The following GFRAL variants were observed in gnomAD, a reference collection of about 807,000 sequenced individuals.
GFRAL encodes the protein GDNF family receptor alpha-like.
GFRAL carries 36 observed loss-of-function variants against 45.4 expected under a neutral mutation model. The ratio of observed to expected loss-of-function variants is 0.79; its 90% CI spans 0.61 to 1.05. The LOEUF (loss-of-function observed/expected upper bound fraction) is 1.05. Ranked by LOEUF, GFRAL falls within the 50% of genes least tolerant of loss-of-function variation. GFRAL has a pLI of 0.00. For synonymous variants in GFRAL, 166 were observed against 154.1 expected (o/e 1.08, Z -0.57); for missense variants, 507 against 467.5 (o/e 1.08, Z -0.78).
intron 2 of GFRAL, among the ~76,000 whole-genome samples, chr6:55,333,187 C>G (rs1767852240): frequency 6.6e-6 from 1 of 151,542 alleles, no homozygotes. Context: ...CTCAAATGTA[C>G]AAATGAAATA....
At chr6:55,342,192 T>G (rs1190173598) in intron 3 of GFRAL, among the ~76,000 whole-genome samples, 5 of 152,072 alleles carry the variant, frequency 3.3e-5, no homozygotes, top group African/African-American at 9.7e-5. Context: ...AGATATTCCT[T>G]GAGAAGAGCA....
intron 3 of GFRAL, among the ~76,000 whole-genome samples, chr6:55,347,997 T>C (rs1418813909): frequency 6.6e-6 from 1 of 152,176 alleles, no homozygotes; most frequent in East Asian, 1.9e-4. Flanking sequence ...TACAAGAGTT[T>C]AGTTTCTGAT....
intron 5 of GFRAL, among the ~76,000 whole-genome samples, chr6:55,355,610 C>T (rs1562054310): frequency 6.6e-6 from 1 of 152,008 alleles, no homozygotes. Flanking sequence ...TTGATCAGTT[C>T]TAAGAGTTCC....
chr6:55,357,964 T>G (rs1768218494), intron 5 of GFRAL, among the ~76,000 whole-genome samples: 1 of 151,902 alleles, frequency 6.6e-6, no homozygotes, highest in Non-Finnish European at 1.5e-5. Context: ...GGAATATGTT[T>G]GTTCTTCTGA....
intron 6 of GFRAL, among the ~76,000 whole-genome samples, chr6:55,396,229 T>C (rs941381609): frequency 6.6e-6 from 1 of 152,182 alleles, no homozygotes; most frequent in Admixed American, 6.5e-5. Flanking sequence ...AAATTTTCAC[T>C]GGGATAATTA....
intron 5 of GFRAL, among the ~76,000 whole-genome samples, chr6:55,356,770 A>T (rs1167309169): frequency 6.6e-6 from 1 of 151,568 alleles, no homozygotes; most frequent in African/African-American, 2.4e-5. Flanking sequence ...CTAGTTCTTT[A>T]AGATGCGTTG....
At chr6:55,395,175 A>AAAAAATATATAT in intron 6 of GFRAL, among the ~76,000 whole-genome samples, 16 of 123,486 alleles carry the variant, frequency 1.3e-4, no homozygotes, top group African/African-American at 4.8e-4. Context: ...AAAAAAAAAA[A>AAAAAATATATAT]ATATATATAT....
chr6:55,395,014 A>G (rs1318030272), intron 6 of GFRAL, among the ~76,000 whole-genome samples: 2 of 151,866 alleles, frequency 1.3e-5, no homozygotes, highest in Admixed American at 6.6e-5. Context: ...ATTCTTTCTG[A>G]TGGAGGTTCC....
At chr6:55,394,336 A>G (rs901543438) in intron 6 of GFRAL, among the ~76,000 whole-genome samples, 1 of 152,172 alleles carries the variant, frequency 6.6e-6, no homozygotes, top group Non-Finnish European at 1.5e-5. Context: ...GTTTCTTCTT[A>G]CTTAAGGGGA....
intron 6 of GFRAL, among the ~76,000 whole-genome samples, chr6:55,363,588 TCCC>T (rs1358087097): frequency 9.6e-6 from 1 of 103,754 alleles, no homozygotes; most frequent in Non-Finnish European, 1.9e-5. Context: ...CCCTCCCCCC[TCCC>T]CCCACCCCAC....
At chr6:55,340,419 A>G (rs1251778810) in intron 3 of GFRAL, among the ~76,000 whole-genome samples, 2 of 152,170 alleles carry the variant, frequency 1.3e-5, no homozygotes, top group Non-Finnish European at 2.9e-5. Flanking sequence ...TAACGTAAAT[A>G]TTTTTCATTA....
At chr6:55,387,013 G>A (rs1768688960) in intron 6 of GFRAL, among the ~76,000 whole-genome samples, 1 of 152,138 alleles carries the variant, frequency 6.6e-6, no homozygotes, top group Admixed American at 6.5e-5. Flanking sequence ...AAAGGCATAG[G>A]TGTTGTTAAG....
chr6:55,359,122 T>C lies in GFRAL; in HGVS notation c.936T>C (p.His312=), dbSNP rs1451913310. The change falls in exon 6 of 9, where the codon CAT becomes CAC. Residue 312 remains histidine, a synonymous_variant. Transcript: ENST00000340465. ...SLCKIFQHML[H]RKSCFNYPTL... ...GTAAGATTTTCCAGCACATGCTTCA[T>C]AGAAAATCATGTTTCAGTAAGTTCC... The C allele has an allele frequency of 1.9e-6, 3 of 1,610,478 alleles. No homozygotes were observed. Among genetic ancestry groups the C allele is most frequent in the Admixed American group, 1.7e-5 (1 of 59,742 alleles).
At chr6:55,358,532 G>A (rs1409738871) in intron 5 of GFRAL, among the ~76,000 whole-genome samples, 1 of 151,862 alleles carries the variant, frequency 6.6e-6, no homozygotes, top group Non-Finnish European at 1.5e-5. Flanking sequence ...GTGGCCAAAG[G>A]CTAGCCACAA....
At chr6:55,373,645 T>C (rs1768482722) in intron 6 of GFRAL, among the ~76,000 whole-genome samples, 2 of 152,338 alleles carry the variant, frequency 1.3e-5, no homozygotes, top group East Asian at 1.9e-4. Context: ...TGTAATAAGG[T>C]AATACTCTTA....
At chr6:55,363,304 T>A (rs1768302839) in intron 6 of GFRAL, among the ~76,000 whole-genome samples, 1 of 152,048 alleles carries the variant, frequency 6.6e-6, no homozygotes. Context: ...ACATGTCTCC[T>A]TTACTCTGAT....
Position 55,359,083 on chromosome 6 carries a change from TG to T in GFRAL, c.898del (p.Glu300ArgfsTer42). On this transcript the variant is annotated frameshift_variant, in exon 6 of 9. Coordinates refer to ENST00000340465, the MANE Select transcript of GFRAL (RefSeq NM_207410.2). LOFTEE classifies it high-confidence loss of function. The stretch of plus-strand genomic sequence containing the variant: ...GTACCTGTAGGACCATTACACAAAG[TG>T]AGGAATCTTTGTGTAAGATTTTCCA... ...QCTCRTITQSEESLCKIFQHM... is the reference protein window; with the variant it reads ...QCTCRTITQSXESLCKIFQHM... The T allele has an allele frequency of 6.2e-7, 1 of 1,612,140 alleles. No individual in the cohort carries two copies. The highest frequency in any genetic ancestry group is 8.5e-7 in the Non-Finnish European group (1 of 1,178,660).
At chr6:55,345,948 T>TGTC (rs1768035741) in intron 3 of GFRAL, among the ~76,000 whole-genome samples, 2 of 151,948 alleles carry the variant, frequency 1.3e-5, no homozygotes, top group Admixed American at 6.6e-5. Context: ...AAATGCTCAC[T>TGTC]ATCACTGGCC....
intron 3 of GFRAL, among the ~76,000 whole-genome samples, chr6:55,342,421 A>G (rs2127352470): frequency 6.6e-6 from 1 of 152,158 alleles, no homozygotes; most frequent in South Asian, 2.1e-4. Flanking sequence ...ATCCAGCCAA[A>G]CTAAGCTTCA....
Sources: gnomAD v4.1 joint callset for allele counts (sites outside exome capture counted in the v4.1 genomes callset) on GRCh38, gnomAD v4.1.1 for gene constraint, MANE v1.5 for transcripts, NCBI Gene and HGNC (gene_info 2026-07-23, HGNC 2026-07-21) for gene names.